KCNQ4: variants seen among roughly 807,000 people sequenced by gnomAD.
KCNQ4 encodes the protein potassium voltage-gated channel subfamily Q member 4, also known as potassium voltage-gated channel subfamily KQT member 4.
Under a neutral mutation model 72.6 loss-of-function variants are expected in KCNQ4, and 31 were observed. The ratio of observed to expected loss-of-function variants is 0.43; its 90% confidence interval spans 0.32 to 0.58. KCNQ4 has a LOEUF of 0.58. KCNQ4 is among the 20% of genes least tolerant of loss of function. KCNQ4 has a pLI of 0.08. For missense variants in KCNQ4, 869 were observed against 962.6 expected, an observed-to-expected ratio of 0.90 and a Z score of 1.29; for synonymous variants, 405 against 403.7, an observed-to-expected ratio of 1.00 and a Z score of -0.04.
At chr1:40,820,400 G>A (rs1648251690) in intron 7 of KCNQ4, 140 bp downstream of exon 7, 1 of 761,414 alleles carries the variant, frequency 1.3e-6, no homozygotes, top group African/African-American at 1.7e-5. Context: ...CTTTCCTGGA[G>A]CCACATGCCA....
Position 40,838,674 on chromosome 1 carries a change from G to A in KCNQ4, c.*151G>A, listed in dbSNP as rs1648888620. 4.0e-6 allele frequency: 3 copies of A among 750,324 alleles called. No individual in the cohort carries two copies. The highest frequency in any genetic ancestry group is 6.8e-6 in the Non-Finnish European group (3 of 439,774). 46.5% of individuals were successfully genotyped at this position (750,324 alleles called of 1,614,324 possible). On this transcript the variant is annotated 3_prime_UTR_variant, in exon 14 of 14. Coordinates refer to ENST00000347132, the MANE Select transcript of KCNQ4 (RefSeq NM_004700.4). ...AGTATTGAGCTGCCTGAGTGGGCGT[G>A]GTACCTGCTGTGGGTGCCAGCGCCC...
chr1:40,838,199 G>C, intron 13 of KCNQ4, 112 bp from the exon 14 acceptor site: 1 of 924,232 alleles, frequency 1.1e-6, no homozygotes, highest in Non-Finnish European at 1.7e-6. Context: ...GTGCTTCCCA[G>C]ATAAGCCCCG....
chr1:40,818,703 G>A (rs779376065), intron 4 of KCNQ4, 23 bp downstream of exon 4: 2 of 1,565,596 alleles, frequency 1.3e-6, no homozygotes, highest in Admixed American at 1.8e-5. Flanking sequence ...AGCCGCGCGC[G>A]GAGACCCGAG....
chr1:40,815,408 T>G (rs1648055889), intron 1 of KCNQ4, among the ~76,000 whole-genome samples: 1 of 152,130 alleles, frequency 6.6e-6, no homozygotes, highest in African/African-American at 2.4e-5. Flanking sequence ...CTGTGGCCAT[T>G]CCCCGAGGAG....
In KCNQ4 at chr1:40,822,415, G is replaced by C; in HGVS notation, c.1130+13G>C. ...TCCCATCCTTCAGGTAGGTCCTGCT[G>C]GGGGTGGGGGTGGGTGGGGGGCTGG... On this transcript the variant is annotated intron_variant, in intron 8 of 13. Coordinates refer to ENST00000347132, the MANE Select transcript of KCNQ4 (RefSeq NM_004700.4). 6.8e-7 allele frequency: 1 copy of C among 1,466,498 alleles called. No individual in the cohort carries two copies. Among genetic ancestry groups the C allele is most frequent in the Non-Finnish European group, 9.5e-7 (1 of 1,051,758 alleles). The allele number at this position is 1,466,498 out of a possible 1,614,324, so 90.8% of individuals were successfully genotyped here.
In KCNQ4 at chr1:40,820,407, G is replaced by A. The variant is rs186603461; in HGVS notation, c.1041+147G>A. ...CTATGTGACTTTCCTGGAGCCACATGCCAAGTCACACACAGAGCCAGGATG... is the reference window on the plus strand; with the variant it reads ...CTATGTGACTTTCCTGGAGCCACATACCAAGTCACACACAGAGCCAGGATG... On this transcript the variant is annotated intron_variant, in intron 7 of 13. Transcript: ENST00000347132. The A allele has an allele frequency of 4.3e-5, 32 of 744,052 alleles. No homozygotes were observed. The East Asian group carries it at 8.3e-4, about 19-fold the overall frequency. 46.1% of individuals were successfully genotyped at this position (744,052 alleles called of 1,614,324 possible).
In KCNQ4 at chr1:40,818,256, C is replaced by A; in HGVS notation, c.498C>A (p.Arg166=). Residue 166 remains arginine, a synonymous_variant, in exon 3 of 14, where the codon CGC becomes CGA. Coordinates refer to ENST00000347132, the MANE Select transcript of KCNQ4 (RefSeq NM_004700.4). Reference sequence around the variant, plus strand: ...GCCGCTACCGAGGATGGCAGGGTCGCTTCCGCTTTGCCAGAAAGCCCTTCT... The same window carrying A: ...GCCGCTACCGAGGATGGCAGGGTCGATTCCGCTTTGCCAGAAAGCCCTTCT... ...CCCRYRGWQG[R]FRFARKPFCV... is the part of the protein sequence containing the mutation. 1 of 1,614,018 alleles carries A rather than the reference C, an allele frequency of 6.2e-7. No homozygotes were observed. Among genetic ancestry groups the A allele is most frequent in the Non-Finnish European group, 8.5e-7 (1 of 1,180,040 alleles).
At chr1:40,819,637 A>T (rs552106863) in intron 5 of KCNQ4, among the ~76,000 whole-genome samples, 165 bp downstream of exon 5, 48 of 151,462 alleles carry the variant, frequency 3.2e-4, no homozygotes, top group African/African-American at 1.1e-3. Context: ...TAACCCCCCA[A>T]CCTGCTCTGG....
At chr1:40,818,777 C>A in intron 4 of KCNQ4, 97 bp downstream of exon 4, 10 of 1,375,234 alleles carry the variant, frequency 7.3e-6, no homozygotes, top group South Asian at 6.2e-5. Context: ...GGGCTGTCTC[C>A]GTGCTGGGAA....
chr1:40,815,805 T>C (rs967564277), intron 1 of KCNQ4, among the ~76,000 whole-genome samples: 2 of 152,050 alleles, frequency 1.3e-5, no homozygotes, highest in Non-Finnish European at 2.9e-5. Context: ...CCCCACTTCA[T>C]AGATAACGAG....
chr1:40,838,230 C>G, intron 13 of KCNQ4, 81 bp from the exon 14 acceptor site: 1 of 1,215,150 alleles, frequency 8.2e-7, no homozygotes, highest in Non-Finnish European at 1.2e-6. Flanking sequence ...CGGCTAGGGT[C>G]CGCCCCGAGA....
chr1:40,800,621 C>T (rs922390309), intron 1 of KCNQ4, among the ~76,000 whole-genome samples: 1 of 152,152 alleles, frequency 6.6e-6, no homozygotes, highest in Non-Finnish European at 1.5e-5. Flanking sequence ...GTGGAAGTCC[C>T]ACTCGCTGAA....
At chr1:40,819,004 G>A (rs979385264) in intron 4 of KCNQ4, 8 of 567,390 alleles carry the variant, frequency 1.4e-5, no homozygotes, top group African/African-American at 1.3e-4. Flanking sequence ...GGACTTGAGG[G>A]TGGGGCTGGA....
intron 12 of KCNQ4, among the ~76,000 whole-genome samples, chr1:40,837,307 G>C (rs1334325938): frequency 6.6e-6 from 1 of 152,174 alleles, no homozygotes; most frequent in East Asian, 1.9e-4. Context: ...TGCCAAGTCT[G>C]TCTCGAATTC....
chr1:40,809,175 T>TTCCCTCCCAGCTCTCTGGCTA (rs1647852526), intron 1 of KCNQ4, among the ~76,000 whole-genome samples: 2 of 152,202 alleles, frequency 1.3e-5, no homozygotes, highest in South Asian at 2.1e-4. Flanking sequence ...CTCTTCTGCT[T>TTCCCTCCCAGCTCTCTGGCTA]TCCCTCCCAG....
At chr1:40,821,858 A>G (rs1648307593) in intron 7 of KCNQ4, among the ~76,000 whole-genome samples, 1 of 152,208 alleles carries the variant, frequency 6.6e-6, no homozygotes, top group African/African-American at 2.4e-5. Context: ...GGAACCTGGC[A>G]TGAAGTGCCT....
At chr1:40,827,746 C>T (rs557697584) in intron 9 of KCNQ4, among the ~76,000 whole-genome samples, 7 of 152,110 alleles carry the variant, frequency 4.6e-5, no homozygotes, top group East Asian at 1.9e-4. Flanking sequence ...ACCCACTATT[C>T]GTGTGTCCTT....
intron 1 of KCNQ4, among the ~76,000 whole-genome samples, chr1:40,807,534 T>G (rs1029838885): frequency 6.6e-6 from 1 of 152,134 alleles, no homozygotes; most frequent in Non-Finnish European, 1.5e-5. Context: ...TGAGGATTCT[T>G]GGAAAGAGCC....
chr1:40,801,905 T>C (rs1381962706), intron 1 of KCNQ4, among the ~76,000 whole-genome samples: 3 of 152,122 alleles, frequency 2.0e-5, no homozygotes, highest in Non-Finnish European at 2.9e-5. Context: ...CTTTGATTTC[T>C]TTATCTGTCA....
Sources: allele counts gnomAD v4.1 joint callset (sites outside exome capture counted in the v4.1 genomes callset), GRCh38; gene constraint gnomAD v4.1.1; transcripts MANE v1.5; gene names NCBI Gene and HGNC (gene_info 2026-07-23, HGNC 2026-07-21).